SLC38A9: variants seen among roughly 807,000 people sequenced by gnomAD.
SLC38A9 encodes the protein neutral amino acid transporter 9.
SLC38A9 carries 48 observed loss-of-function variants against 62.3 expected under a neutral mutation model. That is an observed-to-expected ratio of 0.77 (90% CI 0.61 to 0.98). SLC38A9 has a LOEUF of 0.98. Ranked by LOEUF, SLC38A9 falls within the 50% of genes least tolerant of loss-of-function variation. The pLI, the probability that SLC38A9 is intolerant of heterozygous loss-of-function variation, is 0.00. For missense variants in SLC38A9, 541 were observed against 679.8 expected (o/e 0.80, Z 2.27); for synonymous variants, 204 against 227.7 (o/e 0.90, Z 0.94).
intron 7 of SLC38A9, 154 bp from the exon 8 acceptor site, chr5:55,665,017 A>G (rs1750230987): frequency 2.6e-6 from 1 of 387,786 alleles, no homozygotes; most frequent in Non-Finnish European, 4.6e-6. Context: ...ATAAAATTAA[A>G]ACATTATAGA....
At chr5:55,691,312 T>A in intron 3 of SLC38A9, 1 of 1,499,388 alleles carries the variant, frequency 6.7e-7, no homozygotes, top group Non-Finnish European at 8.9e-7. Flanking sequence ...ATAGGACAGA[T>A]AAGTACTGGT....
chr5:55,690,792 T>G (rs1488778688), intron 3 of SLC38A9, among the ~76,000 whole-genome samples: 1 of 152,202 alleles, frequency 6.6e-6, no homozygotes, highest in Admixed American at 6.5e-5. Context: ...TGTAAAGTGC[T>G]AAGAGGACAA....
chr5:55,635,897 C>G (rs1395381467), intron 12 of SLC38A9, among the ~76,000 whole-genome samples: 1 of 152,122 alleles, frequency 6.6e-6, no homozygotes, highest in Non-Finnish European at 1.5e-5. Flanking sequence ...ACTAAGCTAC[C>G]TGTTGGCAGA....
intron 4 of SLC38A9, among the ~76,000 whole-genome samples, chr5:55,671,827 G>T (rs1198127838): frequency 3.3e-5 from 5 of 151,952 alleles, no homozygotes; most frequent in African/African-American, 1.2e-4. Context: ...CAGCCTGGGT[G>T]ATAGAGCGAC....
chr5:55,644,337 T>C (rs1639414172), intron 12 of SLC38A9, among the ~76,000 whole-genome samples: 1 of 26,414 alleles, frequency 3.8e-5, no homozygotes, highest in Non-Finnish European at 1.3e-4. Context: ...TGTTGCTATT[T>C]GTTTTCTATT....
Position 55,692,456 on chromosome 5 carries a change from G to T in SLC38A9, c.113+5390C>A, listed in dbSNP as rs180769524. 4.6e-4 allele frequency: 88 copies of T among 193,198 alleles called. 1 individual carries two copies. In the East Asian group the frequency reaches 0.012, roughly 27 times the overall value. The allele number at this position is 193,198 out of a possible 1,614,324, so 12.0% of individuals were successfully genotyped here. A position where few individuals can be genotyped will look rare whatever the true frequency, so the allele number is the denominator to read the frequency against. Reference sequence around the variant, plus strand: ...ATGTGAAGTAATCCATATTTTAACAGAAATAACAATGTTTGAAGGTACTTA... The same window carrying T: ...ATGTGAAGTAATCCATATTTTAACATAAATAACAATGTTTGAAGGTACTTA... On this transcript the variant is annotated intron_variant, in intron 3 of 15. Transcript: ENST00000396865.
At chr5:55,698,047 C>G (rs1451277393) in intron 2 of SLC38A9, 55 bp from the exon 3 acceptor site, 4 of 660,090 alleles carry the variant, frequency 6.1e-6, no homozygotes, top group African/African-American at 1.9e-5. Flanking sequence ...TATTATCCAT[C>G]ACTAATAAAT....
intron 13 of SLC38A9, chr5:55,635,240 G>T: frequency 2.9e-6 from 1 of 343,482 alleles, no homozygotes; most frequent in South Asian, 3.2e-5. Context: ...CACAAAAAGA[G>T]AAATATATGT....
rs1432042401 is a variant in SLC38A9, at chr5:55,672,614, G to A, written c.195C>T (p.Asn65=). Residue 65 remains asparagine (N), a synonymous_variant, in exon 4 of 16, where the codon AAC becomes AAT. Coordinates refer to ENST00000396865, the MANE Select transcript of SLC38A9 (RefSeq NM_173514.4). ...GCCGGCTGTAGTAATGAATTCTCTT[G>A]TTCATGGCAGAGGCATGGTCACTAA... ...QRVSDHASAM[N]KRIHYYSRLT... 2 of 1,614,012 alleles carry A rather than the reference G, an allele frequency of 1.2e-6. No homozygotes were observed. Among genetic ancestry groups the A allele is most frequent in the Non-Finnish European group, 1.7e-6 (2 of 1,180,028 alleles).
chr5:55,667,563 C>T (rs941116790), intron 7 of SLC38A9, among the ~76,000 whole-genome samples: 1 of 128 alleles, frequency 7.8e-3, no homozygotes, highest in Non-Finnish European at 0.014. Context: ...ATCTTAGGCA[C>T]AGGATATGTT....
At chr5:55,640,775 C>T (rs1188331087) in intron 12 of SLC38A9, among the ~76,000 whole-genome samples, 1 of 151,776 alleles carries the variant, frequency 6.6e-6, no homozygotes, top group Non-Finnish European at 1.5e-5. Context: ...TAACAATTGT[C>T]AAAACATTAA....
intron 3 of SLC38A9, among the ~76,000 whole-genome samples, chr5:55,675,485 G>A (rs539060671): frequency 6.6e-6 from 1 of 152,174 alleles, no homozygotes; most frequent in African/African-American, 2.4e-5. Flanking sequence ...ACTTTAGTTG[G>A]ATCTGAAAAC....
chr5:55,661,376 C>T (rs1216079926), intron 8 of SLC38A9, among the ~76,000 whole-genome samples: 3 of 128,840 alleles, frequency 2.3e-5, no homozygotes, highest in Admixed American at 9.9e-5. Context: ...ACCCAGCAGG[C>T]GGAGCTTGCA....
chr5:55,636,906 A>G (rs78500873), intron 12 of SLC38A9, among the ~76,000 whole-genome samples: 7,427 of 152,262 alleles, frequency 0.049, 309 homozygotes, highest in African/African-American at 0.11. Flanking sequence ...GACCGGGCAC[A>G]GTTTCAAAAT....
At chr5:55,631,973 T>G (rs953422390) in intron 14 of SLC38A9, among the ~76,000 whole-genome samples, 1 of 152,006 alleles carries the variant, frequency 6.6e-6, no homozygotes, top group Non-Finnish European at 1.5e-5. Context: ...AAGAAATTTC[T>G]CTTGGATGAG....
chr5:55,663,501 C>T (rs899751229), intron 8 of SLC38A9, among the ~76,000 whole-genome samples: 3 of 151,636 alleles, frequency 2.0e-5, no homozygotes, highest in Non-Finnish European at 2.9e-5. Context: ...TTTGGGAGGC[C>T]GAGGTGGGAG....
At chr5:55,697,654 GAAAA>G (rs3042033) in intron 3 of SLC38A9, among the ~76,000 whole-genome samples, 188 bp downstream of exon 3, 3,080 of 131,270 alleles carry the variant, frequency 0.023, 43 homozygotes, top group Middle Eastern at 0.041. Context: ...TGAGTTTAGT[GAAAA>G]AAAAAAAAAA....
intron 2 of SLC38A9, among the ~76,000 whole-genome samples, chr5:55,708,879 T>C (rs1268394001): frequency 6.6e-6 from 1 of 152,194 alleles, no homozygotes; most frequent in Admixed American, 6.5e-5. Flanking sequence ...AAAAAATATA[T>C]CTGTCAGCAG....
intron 11 of SLC38A9, among the ~76,000 whole-genome samples, chr5:55,647,440 A>G (rs1450784444): frequency 6.6e-6 from 1 of 152,202 alleles, no homozygotes; most frequent in Admixed American, 6.5e-5. Flanking sequence ...AACGTATAAA[A>G]AGTCCACTGA....
Sources: allele counts gnomAD v4.1 joint callset (sites outside exome capture counted in the v4.1 genomes callset), GRCh38; gene constraint gnomAD v4.1.1; transcripts MANE v1.5; gene names NCBI Gene and HGNC (gene_info 2026-07-23, HGNC 2026-07-21).